Variants in XKR9 observed in about 807,000 individuals in gnomAD.
The protein encoded by XKR9 is XK related 9.
Under a neutral mutation model 32.0 loss-of-function variants are expected in XKR9, and 32 were observed. The ratio of observed to expected loss-of-function variants is 1.00; its 90% CI spans 0.76 to 1.34. The LOEUF is 1.34. Ranked by LOEUF, XKR9 falls within the 40% of genes most tolerant of loss-of-function variation. The probability of loss-of-function intolerance (pLI) is 0.00; values close to 1 mark genes in which losing one functional copy is unlikely to be tolerated. For missense variants in XKR9, 546 were observed against 429.7 expected, an observed-to-expected ratio of 1.27 and a Z score of -2.39; for synonymous variants, 168 against 143.4, an observed-to-expected ratio of 1.17 and a Z score of -1.22.
intron 3 of XKR9, among the ~76,000 whole-genome samples, chr8:70,689,450 A>ATATATATGTATTTTATG (rs1819431230): frequency 6.7e-6 from 1 of 148,602 alleles, no homozygotes; most frequent in Admixed American, 6.7e-5. Flanking sequence ...GCAAATATAT[A>ATATATATGTATTTTATG]TATATATATG....
chr8:70,944,611 T>TG, the XKR9 span, among the ~76,000 whole-genome samples: 8 of 152,160 alleles, frequency 5.3e-5, no homozygotes, highest in Non-Finnish European at 8.8e-5. Flanking sequence ...AGAAATTTCT[T>TG]GCGCTCAGCA....
the XKR9 span, among the ~76,000 whole-genome samples, chr8:70,859,033 C>T: frequency 6.6e-6 from 1 of 151,882 alleles, no homozygotes; most frequent in Non-Finnish European, 1.5e-5. Flanking sequence ...GAAGTTTCTG[C>T]ACAGCAAAGG....
At chr8:70,771,589 T>A (rs1018950927) in intron 2 of XKR9, among the ~76,000 whole-genome samples, 1 of 152,226 alleles carries the variant, frequency 6.6e-6, no homozygotes, top group Non-Finnish European at 1.5e-5. Context: ...AAAAATATTA[T>A]GCTTTTTTCC....
intron 3 of XKR9, among the ~76,000 whole-genome samples, chr8:70,686,304 C>G (rs911240562): frequency 6.8e-5 from 10 of 147,094 alleles, no homozygotes; most frequent in East Asian, 2.0e-4. Flanking sequence ...TGCAGTGGTG[C>G]GGTCACAGGT....
chr8:70,823,436 C>T, the XKR9 span, among the ~76,000 whole-genome samples: 1 of 152,200 alleles, frequency 6.6e-6, no homozygotes, highest in Non-Finnish European at 1.5e-5. Context: ...CTCAAGGTTA[C>T]TTTTCCTCAG....
chr8:70,773,820 A>T (rs1485895303), intron 2 of XKR9, among the ~76,000 whole-genome samples: 2 of 152,136 alleles, frequency 1.3e-5, no homozygotes, highest in Non-Finnish European at 2.9e-5. Flanking sequence ...GTTGGTTGGA[A>T]TGGACTCTTC....
intron 3 of XKR9, among the ~76,000 whole-genome samples, chr8:70,696,658 C>T (rs1009001000): frequency 6.4e-5 from 9 of 141,678 alleles, no homozygotes; most frequent in African/African-American, 1.8e-4. Flanking sequence ...ATTGACTCGG[C>T]GATGCGGGCT....
the XKR9 span, among the ~76,000 whole-genome samples, chr8:70,884,870 C>T: frequency 5.4e-4 from 82 of 152,194 alleles, no homozygotes; most frequent in Middle Eastern, 3.4e-3. Context: ...GTACTTTTGC[C>T]TTTCCATATG....
intron 3 of XKR9, among the ~76,000 whole-genome samples, chr8:70,682,681 G>A (rs1182056903): frequency 6.6e-6 from 1 of 152,130 alleles, no homozygotes; most frequent in Non-Finnish European, 1.5e-5. Context: ...TTGAGAGTAT[G>A]GTGTGGTCAT....
Position 70,735,321 on chromosome 8 carries a change from T to C in XKR9, c.*897T>C, listed in dbSNP as rs954443524. On this transcript the variant is annotated 3_prime_UTR_variant, in exon 5 of 5. Coordinates refer to ENST00000408926, the MANE Select transcript of XKR9 (RefSeq NM_001011720.2). ...TTTGTTTCTATGAGTTTGAATACTTTAGATACCTTGTTGCCATGGTTTGAA... is the reference window on the plus strand; with the variant it reads ...TTTGTTTCTATGAGTTTGAATACTTCAGATACCTTGTTGCCATGGTTTGAA... The C allele has an allele frequency of 6.6e-5, 10 of 151,994 alleles. No homozygotes were observed. The highest frequency in any genetic ancestry group is 1.5e-4 in the Non-Finnish European group (10 of 67,992). 9.4% of individuals were successfully genotyped at this position (151,994 alleles called of 1,614,324 possible). A position where few individuals can be genotyped will look rare whatever the true frequency, so the allele number is the denominator to read the frequency against.
At chr8:70,770,160 G>A (rs1393262876) in intron 2 of XKR9, among the ~76,000 whole-genome samples, 1 of 152,038 alleles carries the variant, frequency 6.6e-6, no homozygotes, top group Admixed American at 6.5e-5. Context: ...TGATGTTATT[G>A]CTTTCTGTTT....
chr8:70,853,303 A>T, the XKR9 span, among the ~76,000 whole-genome samples: 1 of 152,056 alleles, frequency 6.6e-6, no homozygotes, highest in Non-Finnish European at 1.5e-5. Flanking sequence ...AATGGGTAAA[A>T]AAAAATAGTT....
Position 70,680,938 on chromosome 8 carries a change from T to G in XKR9, c.-121T>G. 2 of 849,086 alleles carry G rather than the reference T, an allele frequency of 2.4e-6. No individual in the cohort carries two copies. Among genetic ancestry groups the G allele is most frequent in the Non-Finnish European group, 3.5e-6 (2 of 563,924 alleles). The allele number at this position is 849,086 out of a possible 1,614,324, so 52.6% of individuals were successfully genotyped here. On this transcript the variant is annotated 5_prime_UTR_variant, in exon 3 of 5. Coordinates refer to ENST00000408926, the MANE Select transcript of XKR9 (RefSeq NM_001011720.2). ...ATATTTATTCTTTCTTCTAAATAGA[T>G]TTAGGGAGTAGAAATTAAAATTCAA...
the XKR9 span, among the ~76,000 whole-genome samples, chr8:70,903,431 G>C: frequency 2.3e-4 from 35 of 152,256 alleles, no homozygotes; most frequent in Middle Eastern, 6.8e-3. Context: ...GTGTAGAGGT[G>C]TTTATAGTAT....
the XKR9 span, among the ~76,000 whole-genome samples, chr8:71,023,143 T>C: frequency 6.6e-6 from 1 of 152,214 alleles, no homozygotes; most frequent in Non-Finnish European, 1.5e-5. Context: ...TGGACAATTA[T>C]TGTGTTCCTT....
At chr8:70,994,820 G>A in the XKR9 span, among the ~76,000 whole-genome samples, 2 of 150,588 alleles carry the variant, frequency 1.3e-5, no homozygotes, top group Admixed American at 1.3e-4. Context: ...TTTCAGTTTG[G>A]AAAGTTTCTA....
intron 2 of XKR9, among the ~76,000 whole-genome samples, chr8:70,764,329 C>T (rs1386620763): frequency 2.6e-5 from 4 of 152,166 alleles, no homozygotes; most frequent in South Asian, 2.1e-4. Context: ...CTCTTTTACT[C>T]TCAACATTCC....
Position 70,680,998 on chromosome 8 carries a change from C to CT in XKR9, c.-54dup, listed in dbSNP as rs1229257967. 4.6e-6 allele frequency: 7 copies of CT among 1,519,678 alleles called. No individual in the cohort carries two copies. The highest frequency in any genetic ancestry group is 2.4e-4 in the Middle Eastern group (1 of 4,160). The allele number at this position is 1,519,678 out of a possible 1,614,324, so 94.1% of individuals were successfully genotyped here. On this transcript the variant is annotated 5_prime_UTR_variant, in exon 3 of 5. Coordinates refer to ENST00000408926, the MANE Select transcript of XKR9 (RefSeq NM_001011720.2). ...AAAGGGTATACTAATATTTGTTTGG[C>CT]TTTTTTTCCCTTTTTGTGAGGGAGA... is the stretch of plus-strand genomic sequence containing the variant.
At chr8:70,957,204 A>T in the XKR9 span, among the ~76,000 whole-genome samples, 1 of 152,184 alleles carries the variant, frequency 6.6e-6, no homozygotes, top group Non-Finnish European at 1.5e-5. Flanking sequence ...TGAGGAAAAA[A>T]ATATTTTATT....
Sources: gnomAD v4.1 joint callset for allele counts (sites outside exome capture counted in the v4.1 genomes callset) on GRCh38, gnomAD v4.1.1 for gene constraint, MANE v1.5 for transcripts, NCBI Gene and HGNC (gene_info 2026-07-23, HGNC 2026-07-21) for gene names.